Variants in TNFRSF1B observed in about 807,000 individuals in gnomAD.
TNFRSF1B encodes the protein TNF receptor superfamily member 1B, also known as tumor necrosis factor receptor superfamily member 1B.
TNFRSF1B carries 19 observed loss-of-function variants against 44.6 expected under a neutral mutation model. The observed-to-expected ratio is 0.43, with a 90% confidence interval of 0.30 to 0.62. The LOEUF (loss-of-function observed/expected upper bound fraction) is 0.62. TNFRSF1B is among the 20% of genes least tolerant of loss of function. The pLI is 0.16. For synonymous variants in TNFRSF1B, 252 were observed against 261.1 expected (o/e 0.97, Z 0.34); for missense variants, 541 against 619.9 (o/e 0.87, Z 1.35).
Position 12,194,765 on chromosome 1 carries a change from G to A in TNFRSF1B, c.900+147G>A, listed in dbSNP as rs943263579. ...CCCTGGGAGGTGGAGGAAAGGCCGGGGAGTCAGGCAGCCCTCCATGGGCTA... is the reference window on the plus strand; with the variant it reads ...CCCTGGGAGGTGGAGGAAAGGCCGGAGAGTCAGGCAGCCCTCCATGGGCTA... On this transcript the variant is annotated intron_variant, in intron 8 of 9. Transcript: ENST00000376259. 8.2e-6 allele frequency: 8 copies of A among 980,906 alleles called. No individual in the cohort carries two copies. In the African/African-American group the frequency reaches 1.3e-4, roughly 16 times the overall value. The allele number at this position is 980,906 out of a possible 1,614,324, so 60.8% of individuals were successfully genotyped here.
chr1:12,183,662 A>ATCTATCTATCTAT (rs1202840199), intron 1 of TNFRSF1B, among the ~76,000 whole-genome samples: 6 of 95,490 alleles, frequency 6.3e-5, no homozygotes, highest in East Asian at 3.8e-4. Flanking sequence ...TATTTTATCT[A>ATCTATCTATCTAT]TCTATCTATC....
intron 2 of TNFRSF1B, 79 bp downstream of exon 2, chr1:12,188,974 A>T (rs1201157): frequency 7.7e-7 from 1 of 1,297,310 alleles, no homozygotes; most frequent in South Asian, 1.3e-5. Flanking sequence ...GCAAGAGCAT[A>T]GCCCTTGATT....
At chr1:12,182,226 C>T (rs1337719552) in intron 1 of TNFRSF1B, among the ~76,000 whole-genome samples, 1 of 152,164 alleles carries the variant, frequency 6.6e-6, no homozygotes, top group Non-Finnish European at 1.5e-5. Context: ...TTCAGAGAGG[C>T]TATGATGCTG....
chr1:12,198,850 C>T (rs1288087580), intron 8 of TNFRSF1B, among the ~76,000 whole-genome samples: 1 of 152,042 alleles, frequency 6.6e-6, no homozygotes, highest in Non-Finnish European at 1.5e-5. Context: ...ACCAGCTCGC[C>T]CAGCTAATTT....
intron 9 of TNFRSF1B, 54 bp downstream of exon 9, chr1:12,202,225 C>T: frequency 6.5e-7 from 1 of 1,529,228 alleles, no homozygotes; most frequent in Non-Finnish European, 8.7e-7. Flanking sequence ...GTCTTTCTCA[C>T]CTGGTTTCTG....
At chr1:12,188,948 G>T in intron 2 of TNFRSF1B, 53 bp downstream of exon 2, 1 of 1,540,914 alleles carries the variant, frequency 6.5e-7, no homozygotes, top group Admixed American at 1.7e-5. Context: ...GAGCGTGTGT[G>T]TACAGGGGCT....
At chr1:12,192,106 C>T (rs1639150520) in intron 4 of TNFRSF1B, among the ~76,000 whole-genome samples, 183 bp downstream of exon 4, 1 of 152,218 alleles carries the variant, frequency 6.6e-6, no homozygotes, top group Non-Finnish European at 1.5e-5. Flanking sequence ...GCCAGCACTC[C>T]CGATTAGGCA....
rs1173371121 is a variant in TNFRSF1B at position 12,194,632 on chromosome 1, C to T, written c.900+14C>T. 1.3e-5 allele frequency: 21 copies of T among 1,614,030 alleles called. No homozygotes were observed. Among genetic ancestry groups the T allele is most frequent in the Admixed American group, 6.7e-5 (4 of 60,008 alleles). ...GAAGCCAAGGTGGTGAGTGTCTCCA[C>T]TGCCCTCTCCCCCTCTTCCCCTGGT... On this transcript the variant is annotated intron_variant, in intron 8 of 9. Coordinates refer to ENST00000376259, the MANE Select transcript of TNFRSF1B (RefSeq NM_001066.3).
Position 12,167,165 on chromosome 1 carries a change from C to G in TNFRSF1B, c.74C>G (p.Ala25Gly). 7.8e-7 allele frequency: 1 copy of G among 1,280,284 alleles called. No homozygotes were observed. Among genetic ancestry groups the G allele is most frequent in the Non-Finnish European group, 9.9e-7 (1 of 1,011,198 alleles). 79.3% of individuals were successfully genotyped at this position (1,280,284 alleles called of 1,614,324 possible). Residue 25 changes from alanine to glycine, a missense_variant, in exon 1 of 10, where the codon GCC becomes GGC. Coordinates refer to ENST00000376259, the MANE Select transcript of TNFRSF1B (RefSeq NM_001066.3). ...TGGGCTGCGGCGCACGCCTTGCCCG[C>G]CCAGGTGGGTGACTCGCGCGGCCCA... is the stretch of plus-strand genomic sequence containing the variant. ...ELWAAAHALP[A>G]QVAFTPYAPE...
rs536135565 is a variant in TNFRSF1B, at chr1:12,177,708, C to T, written c.78+10539C>T. ...ACTCAGGAGACTGAGGCAGGAGAATCGCTTGAACCTGGGAGGCGGAGTTTG... is the reference window on the plus strand; with the variant it reads ...ACTCAGGAGACTGAGGCAGGAGAATTGCTTGAACCTGGGAGGCGGAGTTTG... On this transcript the variant is annotated intron_variant, in intron 1 of 9. Coordinates refer to ENST00000376259, the MANE Select transcript of TNFRSF1B (RefSeq NM_001066.3). The surrounding 1 kb of genome is among the most constrained non-coding windows in gnomAD (Gnocchi z 4.3). Among the ~76,000 whole-genome samples, 4 of 151,686 alleles carry T rather than the reference C, an allele frequency of 2.6e-5. No individual in the cohort carries two copies. Among genetic ancestry groups the T allele is most frequent in the African/African-American group, 7.3e-5 (3 of 41,358 alleles).
rs150483691 is a variant in TNFRSF1B, at chr1:12,191,802, G to C, written c.336G>C (p.Arg112=). ...SDQVETQACT[R]EQNRICTCRP... The stretch of plus-strand genomic sequence containing the variant: ...AGGTGGAAACTCAAGCCTGCACTCG[G>C]GAACAGAACCGCATCTGCACCTGCA... The change falls in exon 4 of 10, where the codon CGG becomes CGC. Residue 112 remains arginine, a synonymous_variant. Transcript: ENST00000376259. 5.2e-5 allele frequency: 84 copies of C among 1,613,558 alleles called. No individual in the cohort carries two copies. In the Middle Eastern group the frequency reaches 1.5e-3, roughly 29 times the overall value.
At position 12,167,049 on chromosome 1, in the gene TNFRSF1B, C is replaced by T; in HGVS notation, c.-43C>T. The T allele has an allele frequency of 1.6e-6, 2 of 1,247,206 alleles. No homozygotes were observed. Among genetic ancestry groups the T allele is most frequent in the African/African-American group, 1.6e-5 (1 of 63,662 alleles). 77.3% of individuals were successfully genotyped at this position (1,247,206 alleles called of 1,614,324 possible). On this transcript the variant is annotated 5_prime_UTR_variant, in exon 1 of 10. Transcript: ENST00000376259. ...GAGAAGGCGCTGGGCTGCGAGGGCG[C>T]GAGGGCGCGAGGGCAGGGGGCAACC...
chr1:12,176,573 A>C (rs1485598812), intron 1 of TNFRSF1B, among the ~76,000 whole-genome samples: 1 of 152,162 alleles, frequency 6.6e-6, no homozygotes, highest in Non-Finnish European at 1.5e-5. Context: ...CTAAGAGGGG[A>C]GGAGTGTGGA....
chr1:12,206,929 C>T lies in TNFRSF1B; in HGVS notation c.1295C>T (p.Ser432Leu), dbSNP rs1446742239. 1.2e-6 allele frequency: 2 copies of T among 1,614,082 alleles called. No individual in the cohort carries two copies. Among genetic ancestry groups the T allele is most frequent in the African/African-American group, 1.3e-5 (1 of 74,944 alleles). Residue 432 changes from serine to leucine, a missense_variant, in exon 10 of 10, where the codon TCA becomes TTA. Coordinates refer to ENST00000376259, the MANE Select transcript of TNFRSF1B (RefSeq NM_001066.3). Reference sequence around the variant, plus strand: ...TCCAAGGAGGAATGTGCCTTTCGGTCACAGCTGGAGACGCCAGAGACCCTG... The same window carrying T: ...TCCAAGGAGGAATGTGCCTTTCGGTTACAGCTGGAGACGCCAGAGACCCTG... ...PFSKEECAFR[S>L]QLETPETLLG... is the part of the protein sequence containing the mutation.
chr1:12,188,424 G>C (rs1639034121), intron 1 of TNFRSF1B, among the ~76,000 whole-genome samples: 1 of 152,036 alleles, frequency 6.6e-6, no homozygotes, highest in Admixed American at 6.5e-5. Context: ...GGGAAGGAGA[G>C]GTATCTTCCT....
chr1:12,170,724 G>A (rs1180165827), intron 1 of TNFRSF1B, among the ~76,000 whole-genome samples: 2 of 151,300 alleles, frequency 1.3e-5, no homozygotes, highest in Admixed American at 1.3e-4. Context: ...GTGCAGTGGC[G>A]ACATCTCTGC....
At chr1:12,191,150 A>T in intron 3 of TNFRSF1B, 65 bp downstream of exon 3, 1 of 1,582,038 alleles carries the variant, frequency 6.3e-7, no homozygotes, top group Admixed American at 1.7e-5. Flanking sequence ...CGGCAACTCC[A>T]GCCTCTTTGG....
rs574863138 is a variant in TNFRSF1B at position 12,178,498 on chromosome 1, A to C, written c.79-10298A>C. ...TCTGTGTCTGGCTCAGCGCCCATAC[A>C]AGGGTGTCAAGGTTGCGGGGAGGCA... On this transcript the variant is annotated intron_variant, in intron 1 of 9. Coordinates refer to ENST00000376259, the MANE Select transcript of TNFRSF1B (RefSeq NM_001066.3). This position sits in a 1 kb window ranked among gnomAD's most constrained non-coding sequence, Gnocchi z 4.3. Among the ~76,000 whole-genome samples, 3 of 152,320 alleles carry C rather than the reference A, an allele frequency of 2.0e-5. No individual in the cohort carries two copies. The highest frequency in any genetic ancestry group is 2.1e-4 in the South Asian group (1 of 4,828).
In TNFRSF1B at chr1:12,208,946, T is replaced by C. The variant is rs1220806433; in HGVS notation, c.*1926T>C. 2.0e-5 allele frequency: 3 copies of C among 152,074 alleles called. No individual in the cohort carries two copies. Among genetic ancestry groups the C allele is most frequent in the Admixed American group, 6.6e-5 (1 of 15,248 alleles). 9.4% of individuals were successfully genotyped at this position (152,074 alleles called of 1,614,324 possible). A position where few individuals can be genotyped will look rare whatever the true frequency, so the allele number is the denominator to read the frequency against. The stretch of plus-strand genomic sequence containing the variant: ...GAGCAACAGAGTGAGACCCTGTCTC[T>C]TAAAGAAAAAAAAAGTCAGACTGCT... On this transcript the variant is annotated 3_prime_UTR_variant, in exon 10 of 10. Coordinates refer to ENST00000376259, the MANE Select transcript of TNFRSF1B (RefSeq NM_001066.3).
Sources: gnomAD v4.1 joint callset for allele counts (sites outside exome capture counted in the v4.1 genomes callset) on GRCh38, gnomAD v4.1.1 for gene constraint, Gnocchi (gnomAD v3.1) non-coding constraint, MANE v1.5 for transcripts, NCBI Gene and HGNC (gene_info 2026-07-23, HGNC 2026-07-21) for gene names.